The following GUCY2C variants were observed in gnomAD, a reference collection of about 807,000 sequenced individuals.
The protein encoded by GUCY2C is guanylate cyclase 2C, also known as guanylyl cyclase C.
Under a neutral mutation model 131.1 loss-of-function variants are expected in GUCY2C, and 118 were observed. The observed-to-expected ratio is 0.90, with a 90% CI of 0.78 to 1.05. GUCY2C has a LOEUF of 1.05. Among genes scored for constraint, GUCY2C ranks in the 50% least tolerant of loss-of-function variants. The pLI is 0.00. For missense variants in GUCY2C, 1,161 were observed against 1,304.4 expected (o/e 0.89, Z 1.69); for synonymous variants, 452 against 457.8 (o/e 0.99, Z 0.16).
intron 21 of GUCY2C, 53 bp from the exon 22 acceptor site, chr12:14,622,250 G>T: frequency 8.5e-7 from 1 of 1,170,046 alleles, no homozygotes; most frequent in Non-Finnish European, 1.2e-6. Flanking sequence ...ATTTCTTCTT[G>T]TTTCACATAA....
chr12:14,653,116 C>G, intron 12 of GUCY2C, 102 bp from the exon 13 acceptor site: 1 of 859,580 alleles, frequency 1.2e-6, no homozygotes, highest in South Asian at 1.3e-5. Flanking sequence ...GCATCTGTTT[C>G]CTCAATAACA....
At position 14,639,949 on chromosome 12, in the gene GUCY2C, C is replaced by T; in HGVS notation, c.2070G>A (p.Glu690=). 6.3e-7 allele frequency: 1 copy of T among 1,589,322 alleles called. No homozygotes were observed. Among genetic ancestry groups the T allele is most frequent in the Non-Finnish European group, 8.6e-7 (1 of 1,157,522 alleles). The change falls in exon 19 of 27, where the codon GAG becomes GAA. Residue 690 remains glutamate, a splice_region_variant and synonymous_variant. Transcript: ENST00000261170. ...FYTLSCRDRN[E]KIFRVENSNG... ...TGGAATTTTCCACTCTGAAAATCTTCTCTGGTTGGGTGAGAAAAATATAAA... is the reference window on the plus strand; with the variant it reads ...TGGAATTTTCCACTCTGAAAATCTTTTCTGGTTGGGTGAGAAAAATATAAA...
Position 14,614,870 on chromosome 12 carries a change from G to A in GUCY2C, c.3044C>T (p.Thr1015Ile), listed in dbSNP as rs780356178. 3 of 1,580,514 alleles carry A rather than the reference G, an allele frequency of 1.9e-6. No homozygotes were observed. The highest frequency in any genetic ancestry group is 1.4e-5 in the African/African-American group (1 of 73,224). ...DQKFNLPTPP[T>I]VENQQRLQAE... is the part of the protein sequence containing the mutation. Reference sequence around the variant, plus strand: ...CCTGCCACACCCAGAAGCTTACACAGTAGGAGGGGTTGGCAGGTTGAATTT... The same window carrying A: ...CCTGCCACACCCAGAAGCTTACACAATAGGAGGGGTTGGCAGGTTGAATTT... The change falls in exon 26 of 27, where the codon ACT becomes ATT. Residue 1015 changes from threonine to isoleucine, a missense_variant. Thr to Ile is a moderately conservative substitution (Grantham distance 89, BLOSUM62 -1). Transcript: ENST00000261170.
intron 10 of GUCY2C, among the ~76,000 whole-genome samples, chr12:14,668,087 C>T (rs1425813098): frequency 6.7e-6 from 1 of 149,754 alleles, no homozygotes; most frequent in Non-Finnish European, 1.5e-5. Context: ...CACTGCAGCC[C>T]CAACTTACTG....
At chr12:14,624,376 G>A (rs1946961076) in intron 21 of GUCY2C, among the ~76,000 whole-genome samples, 1 of 152,144 alleles carries the variant, frequency 6.6e-6, no homozygotes, top group Admixed American at 6.5e-5. Context: ...AGGAGGCAGA[G>A]GTTGCAGTGA....
intron 6 of GUCY2C, among the ~76,000 whole-genome samples, chr12:14,679,020 G>C (rs1948293142): frequency 6.6e-6 from 1 of 152,144 alleles, no homozygotes; most frequent in African/African-American, 2.4e-5. Context: ...GAATAATTGT[G>C]TATATCAGAC....
chr12:14,623,057 C>T (rs886142102), intron 21 of GUCY2C, among the ~76,000 whole-genome samples: 1 of 152,198 alleles, frequency 6.6e-6, no homozygotes, highest in Non-Finnish European at 1.5e-5. Context: ...AAACTGGAAG[C>T]TGGGAGGTTC....
intron 10 of GUCY2C, 100 bp from the exon 11 acceptor site, chr12:14,661,162 C>T: frequency 1.4e-6 from 1 of 736,090 alleles, no homozygotes; most frequent in Admixed American, 2.4e-5. Flanking sequence ...GAAAAGAGAA[C>T]CCTTTAAAAA....
chr12:14,679,786 T>C (rs1316619589), intron 5 of GUCY2C, 33 bp from the exon 6 acceptor site: 7 of 1,075,808 alleles, frequency 6.5e-6, no homozygotes, highest in Admixed American at 3.4e-5. Flanking sequence ...GAGAGAAATA[T>C]ATGACAGTCT....
chr12:14,663,471 T>TG (rs1947909846), intron 10 of GUCY2C, among the ~76,000 whole-genome samples: 1 of 152,006 alleles, frequency 6.6e-6, no homozygotes, highest in East Asian at 1.9e-4. Flanking sequence ...TTAGTAGAGG[T>TG]GGGGTTTCAT....
intron 8 of GUCY2C, among the ~76,000 whole-genome samples, chr12:14,673,962 G>A (rs1220452121): frequency 6.6e-6 from 1 of 152,186 alleles, no homozygotes; most frequent in African/African-American, 2.4e-5. Flanking sequence ...GAAGCCTACA[G>A]AGAAAGTCAC....
In GUCY2C at chr12:14,650,619, C is replaced by T. The variant is rs180936862; in HGVS notation, c.1710+788G>A. Among the ~76,000 whole-genome samples the T allele has an allele frequency of 2.2e-3, 342 of 152,274 alleles. 1 individual carries two copies. Among genetic ancestry groups the T allele is most frequent in the African/African-American group, 7.7e-3 (321 of 41,556 alleles). On this transcript the variant is annotated intron_variant, in intron 15 of 26. Transcript: ENST00000261170. The stretch of plus-strand genomic sequence containing the variant: ...TGATCTTAATTCTCCTGGCCAGCCC[C>T]CTGCTCAAGATTTCTCTACCACATT...
intron 10 of GUCY2C, among the ~76,000 whole-genome samples, chr12:14,666,800 C>A (rs577484300): frequency 6.6e-5 from 10 of 151,566 alleles, no homozygotes; most frequent in Non-Finnish European, 1.3e-4. Flanking sequence ...TGTACCCTCG[C>A]TACCTGCCTA....
Position 14,676,912 on chromosome 12 carries a change from A to C in GUCY2C, c.890T>G (p.Leu297Arg). The C allele has an allele frequency of 3.2e-6, 5 of 1,576,786 alleles. No individual in the cohort carries two copies. Among genetic ancestry groups the C allele is most frequent in the Non-Finnish European group, 4.3e-6 (5 of 1,154,104 alleles). The change falls in exon 7 of 27, where the codon CTG becomes CGG. Residue 297 changes from leucine to arginine, a missense_variant. By Grantham distance (102) the Leu-to-Arg change is moderately radical. Transcript: ENST00000261170. The part of the protein sequence containing the change: ...APDYMKNVLV[L>R]TLSPGNSLLN... ...AAGGGAATTCCCAGGAGACAGCGTC[A>C]GAACAAGGACATTTTTCATATAGTC...
At chr12:14,628,354 C>T (rs994737853) in intron 20 of GUCY2C, among the ~76,000 whole-genome samples, 2 of 152,134 alleles carry the variant, frequency 1.3e-5, no homozygotes, top group Non-Finnish European at 2.9e-5. Context: ...CCTAATTACC[C>T]ACAGAAGGAC....
At chr12:14,670,908 G>C (rs1457729808) in intron 9 of GUCY2C, among the ~76,000 whole-genome samples, 1 of 151,552 alleles carries the variant, frequency 6.6e-6, no homozygotes, top group Non-Finnish European at 1.5e-5. Flanking sequence ...TCATGGTGGA[G>C]GGTGAAAGGC....
In GUCY2C at chr12:14,681,476, A is replaced by G; in HGVS notation, c.613T>C (p.Tyr205His). The G allele has an allele frequency of 1.3e-6, 2 of 1,515,924 alleles. No individual in the cohort carries two copies. Among genetic ancestry groups the G allele is most frequent in the Non-Finnish European group, 1.8e-6 (2 of 1,132,908 alleles). The allele number at this position is 1,515,924 out of a possible 1,614,324, so 93.9% of individuals were successfully genotyped here. A position where few individuals can be genotyped will look rare whatever the true frequency, so the allele number is the denominator to read the frequency against. ...NGTETEDCFW[Y>H]LNALEASVSY... ...ACGCTAGCCTCCAGAGCATTAAGGT[A>G]CCTGGAATAGGAAAAAGAGAAACTA... Residue 205 changes from tyrosine (Y) to histidine (H), a missense_variant and splice_region_variant, in exon 5 of 27, where the codon TAC (tyrosine) becomes CAC (histidine). By Grantham distance (83) the Tyr-to-His change is moderately conservative (BLOSUM62 2). Coordinates refer to ENST00000261170, the MANE Select transcript of GUCY2C (RefSeq NM_004963.4).
chr12:14,657,096 G>T (rs569604780), intron 11 of GUCY2C, among the ~76,000 whole-genome samples: 1 of 152,324 alleles, frequency 6.6e-6, no homozygotes, highest in South Asian at 2.1e-4. Flanking sequence ...CTGTGCGGTT[G>T]GTTCCTAACA....
intron 19 of GUCY2C, among the ~76,000 whole-genome samples, chr12:14,636,797 T>C (rs1947278808): frequency 6.6e-6 from 1 of 151,960 alleles, no homozygotes. Context: ...GGATATAAAA[T>C]TAACATACAG....
Sources: allele counts gnomAD v4.1 joint callset (sites outside exome capture counted in the v4.1 genomes callset), GRCh38; gene constraint gnomAD v4.1.1; transcripts MANE v1.5; gene names NCBI Gene and HGNC (gene_info 2026-07-23, HGNC 2026-07-21).